The following PIBF1 variants were observed in gnomAD, a reference collection of about 807,000 sequenced individuals.
The protein encoded by PIBF1 is progesterone immunomodulatory binding factor 1, also known as progesterone-induced-blocking factor 1.
PIBF1 carries 90 observed loss-of-function variants against 112.5 expected under a neutral mutation model. The observed-to-expected ratio is 0.80, with a 90% CI of 0.67 to 0.95. PIBF1 has a LOEUF of 0.95. Ranked by LOEUF, PIBF1 falls within the 40% of genes least tolerant of loss-of-function variation. The pLI is 0.00. For synonymous variants in PIBF1, 301 were observed against 288.6 expected, an observed-to-expected ratio of 1.04 and a Z score of -0.44; for missense variants, 915 against 852.3, an observed-to-expected ratio of 1.07 and a Z score of -0.92.
intron 14 of PIBF1, among the ~76,000 whole-genome samples, chr13:72,955,210 T>G (rs1437198846): frequency 6.6e-6 from 1 of 152,232 alleles, no homozygotes; most frequent in Admixed American, 6.5e-5. Flanking sequence ...ATTGTAGTAG[T>G]AGCTCTGTGT....
chr13:72,883,285 A>G (rs1035818290), intron 10 of PIBF1, among the ~76,000 whole-genome samples: 3 of 152,184 alleles, frequency 2.0e-5, no homozygotes, highest in African/African-American at 7.2e-5. Context: ...CTAAAAATTA[A>G]AACAGCTGAA....
intron 16 of PIBF1, among the ~76,000 whole-genome samples, chr13:72,980,677 C>T (rs2043134582): frequency 6.6e-6 from 1 of 151,792 alleles, no homozygotes; most frequent in Admixed American, 6.6e-5. Context: ...CACCTGTAGT[C>T]CCAGCTACTT....
chr13:72,912,755 G>A (rs1352162519), intron 12 of PIBF1, among the ~76,000 whole-genome samples: 1 of 152,072 alleles, frequency 6.6e-6, no homozygotes, highest in Non-Finnish European at 1.5e-5. Flanking sequence ...ATACATTCAT[G>A]TAGTAGAATA....
chr13:72,978,577 G>A (rs2043081422), intron 16 of PIBF1, among the ~76,000 whole-genome samples: 1 of 151,888 alleles, frequency 6.6e-6, no homozygotes, highest in South Asian at 2.1e-4. Flanking sequence ...GTAATTTAAT[G>A]TGTTTCCTTT....
At chr13:72,810,806 T>G (rs889191327) in intron 5 of PIBF1, among the ~76,000 whole-genome samples, 2 of 152,124 alleles carry the variant, frequency 1.3e-5, no homozygotes, top group Non-Finnish European at 2.9e-5. Context: ...TTTAGATTCA[T>G]AGCCACCTGC....
intron 10 of PIBF1, among the ~76,000 whole-genome samples, chr13:72,864,932 G>A (rs1294838726): frequency 6.6e-6 from 1 of 152,108 alleles, no homozygotes; most frequent in Non-Finnish European, 1.5e-5. Context: ...GGCAAATTTA[G>A]ATGAACATTA....
chr13:72,823,566 C>T (rs1042838264), intron 6 of PIBF1, among the ~76,000 whole-genome samples: 3 of 152,022 alleles, frequency 2.0e-5, no homozygotes, highest in African/African-American at 7.2e-5. Context: ...AAAAAAAGCC[C>T]TTTTATGCCC....
rs562403515 is a variant in PIBF1, at chr13:72,816,513, A to AG, written c.673-5336_673-5335insG. ...CCCTTTCTCTACTAAAATACAAAAA[A>AG]CTAACTGAGCATGGTGGCATGCCTG... On this transcript the variant is annotated intron_variant, in intron 5 of 17. Transcript: ENST00000326291. Among the ~76,000 whole-genome samples, 33 of 152,034 alleles carry AG rather than the reference A, an allele frequency of 2.2e-4. No homozygotes were observed. The East Asian group carries it at 5.7e-3, about 26-fold the overall frequency.
chr13:72,883,018 A>G (rs1470392192), intron 10 of PIBF1, among the ~76,000 whole-genome samples: 1 of 152,192 alleles, frequency 6.6e-6, no homozygotes, highest in African/African-American at 2.4e-5. Context: ...CAGTATATCA[A>G]AGAAATATCT....
intron 12 of PIBF1, among the ~76,000 whole-genome samples, chr13:72,909,892 CTT>C (rs764296309): frequency 1.4e-4 from 22 of 152,126 alleles, no homozygotes; most frequent in Non-Finnish European, 2.6e-4. Context: ...GTTTTCCCCT[CTT>C]GTTATCTTCC....
In PIBF1 at chr13:73,015,891, G is replaced by T; in HGVS notation, c.2246G>T (p.Trp749Leu). The T allele has an allele frequency of 6.3e-7, 1 of 1,586,236 alleles. No individual in the cohort carries two copies. The highest frequency in any genetic ancestry group is 8.6e-7 in the Non-Finnish European group (1 of 1,164,480). Residue 749 changes from tryptophan (W) to leucine (L), a missense_variant, in exon 18 of 18, where the codon TGG (tryptophan) becomes TTG (leucine). Coordinates refer to ENST00000326291, the MANE Select transcript of PIBF1 (RefSeq NM_006346.4). ...CAGACTAAAAAAGAAGCACCTGAGT[G>T]GTCTAAGAAACAAAAGATGAAGACC... ...TLFTKKEAPE[W>L]SKKQKMKT
At chr13:72,949,701 G>T (rs1021212289) in intron 14 of PIBF1, among the ~76,000 whole-genome samples, 1 of 152,134 alleles carries the variant, frequency 6.6e-6, no homozygotes, top group Non-Finnish European at 1.5e-5. Flanking sequence ...AATATATGTT[G>T]TGTATTTGTG....
rs563993688 is a variant in PIBF1 at position 72,995,030 on chromosome 13, G to A, written c.2050-3792G>A. 4.6e-5 allele frequency among the ~76,000 whole-genome samples: 7 copies of A among 152,152 alleles called. No homozygotes were observed. In the South Asian group the frequency reaches 6.2e-4, roughly 14 times the overall value. ...TAAAGAGGTTCTTGCGGACAGGTGC[G>A]GTGGCTCACACCTGTAATCCCAGCA... On this transcript the variant is annotated intron_variant, in intron 16 of 17. Coordinates refer to ENST00000326291, the MANE Select transcript of PIBF1 (RefSeq NM_006346.4).
intron 5 of PIBF1, among the ~76,000 whole-genome samples, chr13:72,803,799 G>A (rs2035598965): frequency 1.3e-5 from 2 of 152,152 alleles, no homozygotes; most frequent in African/African-American, 4.8e-5. Flanking sequence ...ATGAGGCTGG[G>A]GGAGGTTGAA....
In PIBF1 at chr13:72,834,691, A is replaced by C. The variant is rs371096700; in HGVS notation, c.1098-552A>C. Among the ~76,000 whole-genome samples the C allele has an allele frequency of 1.2e-4, 19 of 152,180 alleles. No individual in the cohort carries two copies. The East Asian group carries it at 2.3e-3, about 18-fold the overall frequency. On this transcript the variant is annotated intron_variant, in intron 8 of 17. Coordinates refer to ENST00000326291, the MANE Select transcript of PIBF1 (RefSeq NM_006346.4). ...AAAGGTAAAGGTAAAGGTAAATTTTACTCTTAAAGAGTTCACACATTCATA... is the reference window on the plus strand; with the variant it reads ...AAAGGTAAAGGTAAAGGTAAATTTTCCTCTTAAAGAGTTCACACATTCATA...
intron 5 of PIBF1, among the ~76,000 whole-genome samples, chr13:72,801,391 T>C (rs2035466956): frequency 6.6e-6 from 1 of 152,136 alleles, no homozygotes; most frequent in South Asian, 2.1e-4. Flanking sequence ...AAAAGTTATG[T>C]AATGAATGCA....
chr13:72,991,473 T>C (rs1472923354), intron 16 of PIBF1, among the ~76,000 whole-genome samples: 4 of 152,228 alleles, frequency 2.6e-5, no homozygotes, highest in Non-Finnish European at 5.9e-5. Flanking sequence ...TTCATTCATA[T>C]AGTAATGGTA....
intron 10 of PIBF1, among the ~76,000 whole-genome samples, chr13:72,891,173 T>C (rs2040041212): frequency 6.6e-6 from 1 of 152,152 alleles, no homozygotes; most frequent in African/African-American, 2.4e-5. Flanking sequence ...ATGTAATGAA[T>C]AAAAACAGGT....
intron 12 of PIBF1, among the ~76,000 whole-genome samples, chr13:72,915,153 T>C (rs1159633692): frequency 2.0e-5 from 3 of 152,174 alleles, no homozygotes; most frequent in Admixed American, 6.5e-5. Flanking sequence ...TATGCAGATA[T>C]ATATATATAT....
Sources: allele counts gnomAD v4.1 joint callset (sites outside exome capture counted in the v4.1 genomes callset), GRCh38; gene constraint gnomAD v4.1.1; transcripts MANE v1.5; gene names NCBI Gene and HGNC (gene_info 2026-07-23, HGNC 2026-07-21).